Variants in HMGCLL1 observed in about 807,000 individuals in gnomAD.
HMGCLL1 encodes the protein 3-hydroxymethyl-3-methylglutaryl-CoA lyase, cytoplasmic.
In HMGCLL1, 36 loss-of-function variants were observed where a neutral mutation model predicts 39.1. That is an observed-to-expected ratio of 0.92 (90% CI 0.71 to 1.22). The LOEUF is 1.22. Ranked by LOEUF, HMGCLL1 falls within the 50% of genes most tolerant of loss-of-function variation. The pLI, the probability that HMGCLL1 is intolerant of heterozygous loss-of-function variation, is 0.00. For missense variants in HMGCLL1, 451 were observed against 416.5 expected (o/e 1.08, Z -0.72); for synonymous variants, 149 against 144.0 (o/e 1.03, Z -0.25).
chr6:55,651,950 C>A, the HMGCLL1 span, among the ~76,000 whole-genome samples: 5 of 152,008 alleles, frequency 3.3e-5, no homozygotes, highest in African/African-American at 1.2e-4. Context: ...CTTTGGGTCA[C>A]GTGGCTGCAG....
the HMGCLL1 span, among the ~76,000 whole-genome samples, chr6:55,612,311 T>C: frequency 1.8e-4 from 28 of 151,932 alleles, no homozygotes; most frequent in African/African-American, 6.3e-4. Flanking sequence ...CAAAAACAAA[T>C]GGAAAAACAT....
intron 7 of HMGCLL1, among the ~76,000 whole-genome samples, chr6:55,451,610 T>C (rs1439693961): frequency 6.6e-6 from 1 of 152,156 alleles, no homozygotes; most frequent in Non-Finnish European, 1.5e-5. Flanking sequence ...TGGTCAGTTA[T>C]AGGCAGTTAT....
At chr6:55,509,555 T>G (rs1164818286) in intron 5 of HMGCLL1, among the ~76,000 whole-genome samples, 1 of 151,866 alleles carries the variant, frequency 6.6e-6, no homozygotes, top group African/African-American at 2.4e-5. Flanking sequence ...TTGCAAGTTT[T>G]TGAATAAATG....
intron 5 of HMGCLL1, among the ~76,000 whole-genome samples, chr6:55,508,211 C>T (rs1767265258): frequency 6.6e-6 from 1 of 151,824 alleles, no homozygotes; most frequent in Non-Finnish European, 1.5e-5. Context: ...CTTACCTCTA[C>T]CTCCACTACT....
chr6:55,467,560 C>G (rs1764847114), intron 7 of HMGCLL1, among the ~76,000 whole-genome samples: 1 of 152,082 alleles, frequency 6.6e-6, no homozygotes, highest in Non-Finnish European at 1.5e-5. Flanking sequence ...AGACTCCCAG[C>G]ATATACCCTC....
the HMGCLL1 span, among the ~76,000 whole-genome samples, chr6:55,612,641 A>T: frequency 6.6e-6 from 1 of 152,170 alleles, no homozygotes; most frequent in African/African-American, 2.4e-5. Context: ...CTCAGAAATA[A>T]GACCACACAT....
At chr6:55,461,064 ACT>A (rs1411998363) in intron 7 of HMGCLL1, among the ~76,000 whole-genome samples, 2 of 151,848 alleles carry the variant, frequency 1.3e-5, no homozygotes, top group African/African-American at 4.8e-5. Context: ...AAATAATTTA[ACT>A]CTCTGCCCTG....
chr6:55,536,314 T>G (rs371171913), intron 3 of HMGCLL1, among the ~76,000 whole-genome samples: 5 of 152,216 alleles, frequency 3.3e-5, no homozygotes, highest in African/African-American at 1.2e-4. Flanking sequence ...CAAATATTTT[T>G]AAACTAAGCC....
At chr6:55,673,158 G>A in the HMGCLL1 span, among the ~76,000 whole-genome samples, 1 of 151,904 alleles carries the variant, frequency 6.6e-6, no homozygotes, top group Non-Finnish European at 1.5e-5. Context: ...AAAACTCAGA[G>A]ATTTCCAACT....
intron 3 of HMGCLL1, among the ~76,000 whole-genome samples, chr6:55,533,507 T>C (rs953521883): frequency 6.6e-5 from 10 of 152,186 alleles, no homozygotes; most frequent in African/African-American, 2.4e-4. Flanking sequence ...TCCTAGTGTG[T>C]ATTATTTCAA....
intron 1 of HMGCLL1, among the ~76,000 whole-genome samples, chr6:55,567,388 G>A (rs948690672): frequency 1.3e-5 from 2 of 151,674 alleles, no homozygotes; most frequent in Non-Finnish European, 2.9e-5. Context: ...AGTTTTATAG[G>A]TATACACACA....
At chr6:55,666,831 A>G in the HMGCLL1 span, among the ~76,000 whole-genome samples, 1 of 151,750 alleles carries the variant, frequency 6.6e-6, no homozygotes, top group African/African-American at 2.4e-5. Context: ...AACTGCATGG[A>G]ACATCCCTTA....
chr6:55,610,310 C>G, the HMGCLL1 span, among the ~76,000 whole-genome samples: 10 of 152,028 alleles, frequency 6.6e-5, no homozygotes, highest in East Asian at 1.9e-3. Context: ...GAGGTGTTAT[C>G]TAGAATAACC....
chr6:55,516,622 A>AT lies in HMGCLL1; in HGVS notation c.298-20dup. ...CAGCCATCTTAAATACATAATAGTT[A>AT]TATGTAAATGTGTAACTTCGAATAT... is the stretch of plus-strand genomic sequence containing the variant. On this transcript the variant is annotated intron_variant, in intron 3 of 8. Transcript: ENST00000274901. 1 of 1,466,236 alleles carries AT rather than the reference A, an allele frequency of 6.8e-7. No homozygotes were observed. The highest frequency in any genetic ancestry group is 1.2e-5 in the South Asian group (1 of 81,514). 90.8% of individuals were successfully genotyped at this position (1,466,236 alleles called of 1,614,324 possible).
intron 3 of HMGCLL1, among the ~76,000 whole-genome samples, chr6:55,527,608 G>A (rs1032431159): frequency 6.6e-6 from 1 of 151,954 alleles, no homozygotes; most frequent in South Asian, 2.1e-4. Flanking sequence ...TGAAAATTTC[G>A]TTAAAACTTA....
At chr6:55,583,401 T>C (rs913755886), upstream of HMGCLL1, among the ~76,000 whole-genome samples, 1 of 151,936 alleles carries the variant, frequency 6.6e-6, no homozygotes, top group Non-Finnish European at 1.5e-5. Context: ...TATGTCCGTG[T>C]GTTCTCATTG....
At chr6:55,654,166 T>C in the HMGCLL1 span, among the ~76,000 whole-genome samples, 2 of 151,902 alleles carry the variant, frequency 1.3e-5, no homozygotes, top group East Asian at 1.9e-4. Flanking sequence ...AAAGTACTGA[T>C]AATTGTGAAC....
At chr6:55,477,108 G>T (rs1470501429) in intron 7 of HMGCLL1, among the ~76,000 whole-genome samples, 2 of 79,688 alleles carry the variant, frequency 2.5e-5, no homozygotes, top group Non-Finnish European at 4.6e-5. Flanking sequence ...AGAACTTAGA[G>T]TATTTTATAT....
chr6:55,569,677 G>A (rs1581961489), intron 1 of HMGCLL1, among the ~76,000 whole-genome samples: 1 of 152,204 alleles, frequency 6.6e-6, no homozygotes, highest in East Asian at 1.9e-4. Context: ...GTTCAGTAGT[G>A]GTAGCTGTAT....
Sources: gnomAD v4.1 joint callset for allele counts (sites outside exome capture counted in the v4.1 genomes callset) on GRCh38, gnomAD v4.1.1 for gene constraint, MANE v1.5 for transcripts, NCBI Gene and HGNC (gene_info 2026-07-23, HGNC 2026-07-21) for gene names.